The following EEF2K variants were observed in gnomAD, a reference collection of about 807,000 sequenced individuals.
The protein encoded by EEF2K is eukaryotic elongation factor 2 kinase, also known as alternative protein EEF2K.
EEF2K carries 70 observed loss-of-function variants against 93.8 expected under a neutral mutation model. The ratio of observed to expected loss-of-function variants is 0.75; its 90% CI spans 0.62 to 0.91. The LOEUF is 0.91. Among genes scored for constraint, EEF2K ranks in the 40% least tolerant of loss-of-function variants. EEF2K has a pLI of 0.00. For missense variants in EEF2K, 935 were observed against 972.9 expected, an observed-to-expected ratio of 0.96 and a Z score of 0.52; for synonymous variants, 376 against 380.8, an observed-to-expected ratio of 0.99 and a Z score of 0.15.
chr16:22,224,068 G>T (rs549923187), intron 1 of EEF2K, among the ~76,000 whole-genome samples: 24 of 152,206 alleles, frequency 1.6e-4, no homozygotes, highest in African/African-American at 5.8e-4. Flanking sequence ...TTAGCCGCGC[G>T]TGGTAGTGGA....
chr16:22,221,088 C>A (rs1481059747), intron 1 of EEF2K, among the ~76,000 whole-genome samples: 1 of 152,164 alleles, frequency 6.6e-6, no homozygotes, highest in Admixed American at 6.5e-5. Context: ...CTCAGTAGTT[C>A]ACGTTGGTTT....
chr16:22,281,118 G>C (rs2047689124), intron 17 of EEF2K, among the ~76,000 whole-genome samples: 1 of 151,758 alleles, frequency 6.6e-6, no homozygotes, highest in East Asian at 1.9e-4. Context: ...GTAGAGATGG[G>C]GTTTCACCAT....
chr16:22,257,242 G>C lies in EEF2K; in HGVS notation c.769-11G>C. On this transcript the variant is annotated splice_polypyrimidine_tract_variant and intron_variant, in intron 7 of 17. Coordinates refer to ENST00000263026, the MANE Select transcript of EEF2K (RefSeq NM_013302.5). ...CTCTTGACATCTCGTTTTCCTTCCT[G>C]TCCCCTGTAGGCCTTCAGCCACTTC... 2 of 1,614,034 alleles carry C rather than the reference G, an allele frequency of 1.2e-6. No homozygotes were observed. Among genetic ancestry groups the C allele is most frequent in the Non-Finnish European group, 1.7e-6 (2 of 1,179,992 alleles).
intron 2 of EEF2K, among the ~76,000 whole-genome samples, chr16:22,244,154 G>A (rs1356146795): frequency 1.3e-5 from 2 of 150,652 alleles, no homozygotes; most frequent in Non-Finnish European, 3.0e-5. Flanking sequence ...GCTTGAACCC[G>A]GGAGGTGGAG....
rs1474523705 is a variant in EEF2K at position 22,273,747 on chromosome 16, A to G, written c.1886A>G (p.Asp629Gly). 1 of 1,613,450 alleles carries G rather than the reference A, an allele frequency of 6.2e-7. No individual in the cohort carries two copies. The highest frequency in any genetic ancestry group is 1.7e-5 in the Admixed American group (1 of 59,964). Residue 629 changes from aspartate (D) to glycine (G), a missense_variant, in exon 16 of 18, where the codon GAC becomes GGC. Asp to Gly is a moderately conservative substitution (Grantham distance 94, BLOSUM62 -1). Transcript: ENST00000263026. ...AFDSGQNLSP[D>G]RCQDWLEALH... ...GACTCTGGCCAGAACCTCAGCCCGGACAGGTACTGCAGCTGTCACCCAGGA... is the reference window on the plus strand; with the variant it reads ...GACTCTGGCCAGAACCTCAGCCCGGGCAGGTACTGCAGCTGTCACCCAGGA...
intron 12 of EEF2K, 86 bp downstream of exon 12, chr16:22,263,273 G>A: frequency 7.8e-7 from 1 of 1,280,390 alleles, no homozygotes; most frequent in South Asian, 1.4e-5. Context: ...TCCTGGAGGG[G>A]GAATATGAGT....
At chr16:22,214,312 G>A (rs1420917991) in intron 1 of EEF2K, among the ~76,000 whole-genome samples, 1 of 151,952 alleles carries the variant, frequency 6.6e-6, no homozygotes, top group Non-Finnish European at 1.5e-5. Context: ...GGGAGGTCGA[G>A]GCAAGAGGAT....
In EEF2K at chr16:22,250,679, A is replaced by T; in HGVS notation, c.434A>T (p.Glu145Val). 1.2e-6 allele frequency: 2 copies of T among 1,614,150 alleles called. No individual in the cohort carries two copies. The highest frequency in any genetic ancestry group is 1.7e-6 in the Non-Finnish European group (2 of 1,180,024). The change falls in exon 5 of 18, where the codon GAG becomes GTG. Residue 145 changes from glutamate (E) to valine (V), a missense_variant. Transcript: ENST00000263026. ...SQPFGRGAMR[E>V]CFRTKKLSNF... The stretch of plus-strand genomic sequence containing the variant: ...CCCTTCGGCCGAGGAGCAATGAGGG[A>T]GTGCTTCCGGACGTAAGTGACTCAG...
In EEF2K at chr16:22,211,043, G is replaced by A. The variant is rs192523794; in HGVS notation, c.-77+4364G>A. Among the ~76,000 whole-genome samples, 5 of 152,260 alleles carry A rather than the reference G, an allele frequency of 3.3e-5. No homozygotes were observed. In the East Asian group the frequency reaches 9.6e-4, roughly 29 times the overall value. On this transcript the variant is annotated intron_variant, in intron 1 of 17. Transcript: ENST00000263026. ...TTCATTGGCCAGAATGCAGTCACAT[G>A]ACCTTACCTAGCTGCAAGGGATGCT...
chr16:22,282,908 A>G (rs1179826412), intron 17 of EEF2K, among the ~76,000 whole-genome samples: 1 of 152,244 alleles, frequency 6.6e-6, no homozygotes, highest in African/African-American at 2.4e-5. Flanking sequence ...GGGACACAGC[A>G]TTCAGTCCCT....
At chr16:22,221,344 G>A (rs997380241) in intron 1 of EEF2K, among the ~76,000 whole-genome samples, 3 of 152,004 alleles carry the variant, frequency 2.0e-5, no homozygotes, top group African/African-American at 4.8e-5. Flanking sequence ...AACTTTAGCC[G>A]GGCATGGTGG....
At chr16:22,259,463 T>A (rs940890841) in intron 10 of EEF2K, among the ~76,000 whole-genome samples, 1 of 152,222 alleles carries the variant, frequency 6.6e-6, no homozygotes, top group Non-Finnish European at 1.5e-5. Context: ...TGGAATAGTC[T>A]GGAACAGGAG....
At chr16:22,223,990 T>C (rs561428727) in intron 1 of EEF2K, among the ~76,000 whole-genome samples, 1 of 152,176 alleles carries the variant, frequency 6.6e-6, no homozygotes, top group Admixed American at 6.5e-5. Context: ...GCGGATCACC[T>C]GAGGTCAGGA....
chr16:22,251,617 G>GT (rs74367398), intron 6 of EEF2K, among the ~76,000 whole-genome samples: 21,661 of 151,772 alleles, frequency 0.14, 1,947 homozygotes, highest in East Asian at 0.52. Flanking sequence ...TAGAGATGTG[G>GT]TTTCACCATG....
intron 12 of EEF2K, chr16:22,263,428 G>GT (rs2047486527): frequency 4.4e-6 from 1 of 229,236 alleles, no homozygotes; most frequent in African/African-American, 2.3e-5. Context: ...GGCCAACATG[G>GT]TGAAACCCCG....
intron 3 of EEF2K, among the ~76,000 whole-genome samples, chr16:22,247,882 T>C (rs903896443): frequency 6.6e-6 from 1 of 152,060 alleles, no homozygotes; most frequent in Non-Finnish European, 1.5e-5. Flanking sequence ...TGTGTGCGGC[T>C]GTTACTTCTC....
Position 22,264,797 on chromosome 16 carries a change from G to A in EEF2K, c.1378-21G>A, listed in dbSNP as rs1383019187. 4.3e-6 allele frequency: 7 copies of A among 1,613,468 alleles called. No homozygotes were observed. The Admixed American group carries it at 5.0e-5, about 12-fold the overall frequency. ...AAGAAGCTTGTCGCTTTGGATCAGT[G>A]TAATTTCTTCCTCCGTTCAGGGCCA... On this transcript the variant is annotated intron_variant, in intron 12 of 17. Transcript: ENST00000263026.
At chr16:22,224,991 C>T (rs182078689) in intron 1 of EEF2K, among the ~76,000 whole-genome samples, 100 of 151,302 alleles carry the variant, frequency 6.6e-4, no homozygotes, top group Non-Finnish European at 1.0e-3. Context: ...AGAAATGGAA[C>T]GGGGTGATAT....
chr16:22,286,340 G>A lies in EEF2K; in HGVS notation c.*2344G>A, dbSNP rs1288717803. ...TCTCTTCACAGTAATCAAGCCTCAC[G>A]TAATTCATGCTTTTTAAATTCAGCC... On this transcript the variant is annotated 3_prime_UTR_variant, in exon 18 of 18. Coordinates refer to ENST00000263026, the MANE Select transcript of EEF2K (RefSeq NM_013302.5). 1 of 152,184 alleles carries A rather than the reference G, an allele frequency of 6.6e-6. No individual in the cohort carries two copies. The highest frequency in any genetic ancestry group is 2.4e-5 in the African/African-American group (1 of 41,454). The allele number at this position is 152,184 out of a possible 1,614,324, so 9.4% of individuals were successfully genotyped here.
Sources: allele counts gnomAD v4.1 joint callset (sites outside exome capture counted in the v4.1 genomes callset), GRCh38; gene constraint gnomAD v4.1.1; transcripts MANE v1.5; gene names NCBI Gene and HGNC (gene_info 2026-07-23, HGNC 2026-07-21).